Variants in CSMD1 observed in about 807,000 individuals in gnomAD.
CSMD1 encodes the protein CUB and sushi domain-containing protein 1.
A neutral mutation model predicts 417.5 loss-of-function variants in CSMD1; 213 were observed. The observed-to-expected ratio is 0.51, with a 90% CI of 0.46 to 0.57. CSMD1 has a LOEUF of 0.57. Among genes scored for constraint, CSMD1 ranks in the 20% least tolerant of loss-of-function variants. The pLI is 0.00. For missense variants in CSMD1, 6,923 were observed against 4,529.7 expected (o/e 1.53, Z -15.17); for synonymous variants, 2,862 against 1,736.8 (o/e 1.65, Z -16.11).
intron 1 of CSMD1, among the ~76,000 whole-genome samples, chr8:4,803,475 C>T (rs1379634424): frequency 1.3e-5 from 2 of 152,110 alleles, no homozygotes; most frequent in South Asian, 2.1e-4. Context: ...GGTTAGGGGT[C>T]AGAAAGCCCT....
At chr8:3,364,647 A>G (rs549663390) in intron 20 of CSMD1, among the ~76,000 whole-genome samples, 2 of 152,276 alleles carry the variant, frequency 1.3e-5, no homozygotes, top group South Asian at 4.1e-4. Context: ...GATTAAAGCC[A>G]TTAAAAGGGC....
intron 7 of CSMD1, among the ~76,000 whole-genome samples, chr8:3,675,384 G>C (rs1408139766): frequency 1.3e-5 from 2 of 152,254 alleles, no homozygotes; most frequent in South Asian, 4.2e-4. Flanking sequence ...ATGTGGGCTT[G>C]GATATGCTAT....
chr8:3,694,333 G>T (rs752551039), intron 7 of CSMD1, among the ~76,000 whole-genome samples: 1 of 152,088 alleles, frequency 6.6e-6, no homozygotes, highest in East Asian at 1.9e-4. Flanking sequence ...TGACTGAGCA[G>T]ACAGACAGGG....
chr8:3,984,215 T>G (rs551442522), intron 5 of CSMD1, among the ~76,000 whole-genome samples: 3 of 152,262 alleles, frequency 2.0e-5, no homozygotes, highest in African/African-American at 4.8e-5. Context: ...CCCAGCCACC[T>G]GCACAGTGAA....
At chr8:3,100,670 GC>G (rs1163881359) in intron 46 of CSMD1, among the ~76,000 whole-genome samples, 7 of 152,064 alleles carry the variant, frequency 4.6e-5, no homozygotes, top group Non-Finnish European at 1.0e-4. Context: ...CAATGTTAGT[GC>G]CCCAGATTGT....
At chr8:3,636,932 A>G (rs1797080215) in intron 7 of CSMD1, among the ~76,000 whole-genome samples, 1 of 152,136 alleles carries the variant, frequency 6.6e-6, no homozygotes, top group Admixed American at 6.5e-5. Flanking sequence ...TGAATGAATT[A>G]GTATCATTAT....
intron 1 of CSMD1, among the ~76,000 whole-genome samples, chr8:4,971,507 A>G (rs1395189045): frequency 2.0e-5 from 3 of 152,040 alleles, no homozygotes; most frequent in Non-Finnish European, 4.4e-5. Context: ...AACTAAGGAA[A>G]TGATGAAGAA....
chr8:3,242,977 G>A (rs901159316), intron 26 of CSMD1, among the ~76,000 whole-genome samples: 4 of 152,058 alleles, frequency 2.6e-5, no homozygotes, highest in Non-Finnish European at 4.4e-5. Context: ...CAATGGGGAG[G>A]CTGCCTTCCG....
intron 5 of CSMD1, among the ~76,000 whole-genome samples, chr8:3,903,115 C>CA (rs1353999269): frequency 5.3e-4 from 81 of 152,254 alleles, no homozygotes; most frequent in Admixed American, 2.4e-3. Flanking sequence ...TAGGTGGAGA[C>CA]CTTCTTACTG....
intron 2 of CSMD1, among the ~76,000 whole-genome samples, chr8:4,583,451 C>G (rs1030813852): frequency 6.6e-6 from 1 of 152,058 alleles, no homozygotes; most frequent in African/African-American, 2.4e-5. Flanking sequence ...CACTCTGTAT[C>G]TAGCTGCTCT....
intron 1 of CSMD1, among the ~76,000 whole-genome samples, chr8:4,658,754 C>T (rs1804393407): frequency 6.6e-6 from 1 of 152,040 alleles, no homozygotes; most frequent in African/African-American, 2.4e-5. Context: ...CATTTTTCTT[C>T]TATATGATTT....
At chr8:4,793,210 G>A (rs965720379) in intron 1 of CSMD1, among the ~76,000 whole-genome samples, 2 of 152,006 alleles carry the variant, frequency 1.3e-5, no homozygotes, top group South Asian at 4.1e-4. Flanking sequence ...ATTAATTGCA[G>A]CACAAGACAT....
intron 2 of CSMD1, among the ~76,000 whole-genome samples, chr8:4,515,758 G>A (rs1035906695): frequency 1.3e-5 from 2 of 152,112 alleles, no homozygotes; most frequent in Admixed American, 6.5e-5. Flanking sequence ...GACGTGCTCT[G>A]CAACTCTCTG....
chr8:4,906,822 T>A (rs12677949), intron 1 of CSMD1, among the ~76,000 whole-genome samples: 122,979 of 152,174 alleles, frequency 0.81, 49,799 homozygotes, highest in Admixed American at 0.84. Flanking sequence ...CCTCCCATAG[T>A]GCTGAGATTA....
rs576621432 is a variant in CSMD1, at chr8:4,178,361, C to G, written c.416-146262G>C. ...ATTATCTCAATAGATGCAGAAAAGG[C>G]CTTTGACAAAATTCAACAACCCTTC... On this transcript the variant is annotated intron_variant, in intron 3 of 69. Transcript: ENST00000635120. Among the ~76,000 whole-genome samples the G allele has an allele frequency of 2.9e-3, 433 of 150,706 alleles. 3 individuals are homozygous for G. The highest frequency in any genetic ancestry group is 0.01 in the African/African-American group (419 of 40,834).
intron 7 of CSMD1, among the ~76,000 whole-genome samples, chr8:3,629,926 GTGTT>G (rs1254141614): frequency 2.6e-5 from 4 of 152,300 alleles, no homozygotes; most frequent in South Asian, 2.1e-4. Context: ...TCTTGTCACA[GTGTT>G]TGTTTGTTGC....
At chr8:4,087,038 C>T (rs997872992) in intron 3 of CSMD1, among the ~76,000 whole-genome samples, 3 of 152,172 alleles carry the variant, frequency 2.0e-5, no homozygotes, top group Non-Finnish European at 4.4e-5. Context: ...AAGTTCCTCC[C>T]CAGTGACTGC....
chr8:3,780,603 T>C (rs531944963), intron 5 of CSMD1, among the ~76,000 whole-genome samples: 1 of 152,328 alleles, frequency 6.6e-6, no homozygotes, highest in East Asian at 1.9e-4. Flanking sequence ...AATAATTCAC[T>C]ACAACTGTCA....
intron 1 of CSMD1, among the ~76,000 whole-genome samples, chr8:4,720,931 T>C (rs1809013192): frequency 6.6e-6 from 1 of 152,152 alleles, no homozygotes; most frequent in Admixed American, 6.6e-5. Flanking sequence ...CTTTCGTGAA[T>C]CTACAATTCA....
Sources: gnomAD v4.1 joint callset for allele counts (sites outside exome capture counted in the v4.1 genomes callset) on GRCh38, gnomAD v4.1.1 for gene constraint, MANE v1.5 for transcripts, NCBI Gene and HGNC (gene_info 2026-07-23, HGNC 2026-07-21) for gene names.